Variants in RASL10B observed in about 807,000 individuals in gnomAD.
RASL10B encodes the protein ras-like protein family member 10B.
RASL10B carries 10 observed loss-of-function variants against 20.7 expected under a neutral mutation model. The observed-to-expected ratio is 0.48, with a 90% CI of 0.30 to 0.82. The LOEUF is 0.82. RASL10B is among the 40% of genes least tolerant of loss of function. The pLI is 0.07. For missense variants in RASL10B, 231 were observed against 295.4 expected (o/e 0.78, Z 1.60); for synonymous variants, 110 against 123.3 (o/e 0.89, Z 0.72).
intron 1 of RASL10B, among the ~76,000 whole-genome samples, chr17:35,732,296 A>G (rs1298764128): frequency 6.6e-6 from 1 of 152,146 alleles, no homozygotes; most frequent in Non-Finnish European, 1.5e-5. Context: ...GACGCAGGGA[A>G]GGGGACGGAA....
intron 2 of RASL10B, among the ~76,000 whole-genome samples, chr17:35,739,205 C>T (rs2143020176): frequency 6.6e-6 from 1 of 152,302 alleles, no homozygotes; most frequent in East Asian, 1.9e-4. Context: ...AAAGTCGTTT[C>T]CTTTTGATCC....
intron 1 of RASL10B, among the ~76,000 whole-genome samples, chr17:35,733,161 A>G (rs2085569684): frequency 1.3e-5 from 2 of 152,184 alleles, no homozygotes; most frequent in Non-Finnish European, 2.9e-5. Flanking sequence ...AATCTCTCTC[A>G]CGCACACTGC....
At chr17:35,738,581 T>C (rs1598389846) in intron 2 of RASL10B, among the ~76,000 whole-genome samples, 1 of 152,166 alleles carries the variant, frequency 6.6e-6, no homozygotes, top group East Asian at 1.9e-4. Context: ...TGCAGGTGGC[T>C]GAGCCTTGTC....
rs2085586572 is a variant in RASL10B at position 35,735,558 on chromosome 17, C to G, written c.216+158C>G. ...TTGGGCCACTCTGCTTAGAGCCGTT[C>G]CAGGAATCCATTCATTGGTGTGCTA... On this transcript the variant is annotated intron_variant, in intron 2 of 3. Transcript: ENST00000603017. This position sits in a 1 kb window ranked among gnomAD's most constrained non-coding sequence, Gnocchi z 6.7. 6.6e-6 allele frequency among the ~76,000 whole-genome samples: 1 copy of G among 152,190 alleles called. No homozygotes were observed. Among genetic ancestry groups the G allele is most frequent in the Non-Finnish European group, 1.5e-5 (1 of 68,032 alleles).
chr17:35,735,307 T>C lies in RASL10B; in HGVS notation c.123T>C (p.Leu41=). The change falls in exon 2 of 4, where the codon CTT becomes CTC. Residue 41 remains leucine (L), a synonymous_variant. Transcript: ENST00000603017. The surrounding 1 kb of genome is among the most constrained non-coding windows in gnomAD (Gnocchi z 6.7). Reference sequence around the variant, plus strand: ...GCGTCCCCACCACCGCCCGCCGCCTTTACCTGCCTGCTGTCGTCATGAACG... The same window carrying C: ...GCGTCCCCACCACCGCCCGCCGCCTCTACCTGCCTGCTGTCGTCATGAACG... ...EVCVPTTARR[L]YLPAVVMNGH... The C allele has an allele frequency of 6.2e-7, 1 of 1,614,116 alleles. No homozygotes were observed. The highest frequency in any genetic ancestry group is 1.1e-5 in the South Asian group (1 of 91,082).
rs1259731503 is a variant in RASL10B at position 35,742,266 on chromosome 17, AG to A, written c.*966del. 8 of 152,424 alleles carry A rather than the reference AG, an allele frequency of 5.2e-5. No individual in the cohort carries two copies. The highest frequency in any genetic ancestry group is 1.9e-4 in the African/African-American group (8 of 41,412). 9.4% of individuals were successfully genotyped at this position (152,424 alleles called of 1,614,324 possible). ...GGTCGTGGGCAGGATGGTGCCCAGA[AG>A]GGGGTTAGGTTGTCCCAGTGAAAAT... On this transcript the variant is annotated 3_prime_UTR_variant, in exon 4 of 4. Transcript: ENST00000603017.
rs782102328 is a variant in RASL10B, at chr17:35,741,442, C to T, written c.*137C>T. The T allele has an allele frequency of 7.9e-7, 1 of 1,258,346 alleles. No homozygotes were observed. Among genetic ancestry groups the T allele is most frequent in the Non-Finnish European group, 1.0e-6 (1 of 971,980 alleles). 77.9% of individuals were successfully genotyped at this position (1,258,346 alleles called of 1,614,324 possible). A position where few individuals can be genotyped will look rare whatever the true frequency, so the allele number is the denominator to read the frequency against. ...GAGGCCCCTGCAGCCACGCACCTCCCGGTGAGAAGCAGAGCGCGAGAGGGA... is the reference window on the plus strand; with the variant it reads ...GAGGCCCCTGCAGCCACGCACCTCCTGGTGAGAAGCAGAGCGCGAGAGGGA... On this transcript the variant is annotated 3_prime_UTR_variant, in exon 4 of 4. Transcript: ENST00000603017.
intron 1 of RASL10B, among the ~76,000 whole-genome samples, chr17:35,732,300 G>T (rs1420312469): frequency 6.6e-6 from 1 of 152,202 alleles, no homozygotes; most frequent in Non-Finnish European, 1.5e-5. Context: ...CAGGGAAGGG[G>T]ACGGAACCAG....
At position 35,741,498 on chromosome 17, in the gene RASL10B, GC is replaced by G. The variant is rs2085629318; in HGVS notation, c.*198del. On this transcript the variant is annotated 3_prime_UTR_variant, in exon 4 of 4. Coordinates refer to ENST00000603017, the MANE Select transcript of RASL10B (RefSeq NM_033315.4). ...CCGTAACTGCCCAGCCCTGCCCCTTGCCCCCGTGGCTTCCTGGGACAGCCGC... is the reference window on the plus strand; with the variant it reads ...CCGTAACTGCCCAGCCCTGCCCCTTGCCCCGTGGCTTCCTGGGACAGCCGC... 2 of 851,064 alleles carry G rather than the reference GC, an allele frequency of 2.3e-6. No individual in the cohort carries two copies. Among genetic ancestry groups the G allele is most frequent in the Admixed American group, 4.2e-5 (1 of 23,732 alleles). The allele number at this position is 851,064 out of a possible 1,614,324, so 52.7% of individuals were successfully genotyped here.
chr17:35,740,068 T>G (rs1257465847), intron 2 of RASL10B, among the ~76,000 whole-genome samples: 3 of 152,200 alleles, frequency 2.0e-5, no homozygotes, highest in Non-Finnish European at 4.4e-5. Flanking sequence ...AGCTCAGAGC[T>G]GGACTCTTAG....
chr17:35,740,667 C>G, intron 3 of RASL10B, 134 bp downstream of exon 3: 1 of 1,097,350 alleles, frequency 9.1e-7, no homozygotes, highest in Non-Finnish European at 1.3e-6. Context: ...TACACTCAAA[C>G]ATGCATACAT....
At position 35,735,337 on chromosome 17, in the gene RASL10B, C is replaced by T. The variant is rs782649431; in HGVS notation, c.153C>T (p.His51=). The change falls in exon 2 of 4, where the codon CAC becomes CAT. Residue 51 remains histidine, a synonymous_variant. Transcript: ENST00000603017. The surrounding 1 kb of genome is among the most constrained non-coding windows in gnomAD (Gnocchi z 6.7). ...TGCCTGCTGTCGTCATGAACGGCCACGTGCACGACCTCCAGATCCTCGACT... is the reference window on the plus strand; with the variant it reads ...TGCCTGCTGTCGTCATGAACGGCCATGTGCACGACCTCCAGATCCTCGACT... ...LYLPAVVMNG[H]VHDLQILDFP... 2.9e-5 allele frequency: 47 copies of T among 1,614,070 alleles called. No homozygotes were observed. Among genetic ancestry groups the T allele is most frequent in the Non-Finnish European group, 3.9e-5 (46 of 1,180,056 alleles).
chr17:35,740,655 C>T, intron 3 of RASL10B, 122 bp downstream of exon 3: 1 of 1,192,108 alleles, frequency 8.4e-7, no homozygotes. Context: ...GATTTCCACA[C>T]ATACACTCAA....
chr17:35,740,268 T>G, intron 2 of RASL10B, 141 bp from the exon 3 acceptor site: 1 of 1,050,966 alleles, frequency 9.5e-7, no homozygotes, highest in Admixed American at 2.5e-5. Flanking sequence ...TCCCTGGGCC[T>G]GGTCTCCTGG....
At chr17:35,740,896 A>AT (rs1320179423) in intron 3 of RASL10B, 139 bp from the exon 4 acceptor site, 12 of 692,934 alleles carry the variant, frequency 1.7e-5, no homozygotes, top group Admixed American at 1.2e-4. Context: ...ATCAGAGAAT[A>AT]TAACACCTCC....
At chr17:35,740,726 G>A (rs1306878808) in intron 3 of RASL10B, among the ~76,000 whole-genome samples, 193 bp downstream of exon 3, 1 of 152,214 alleles carries the variant, frequency 6.6e-6, no homozygotes, top group Non-Finnish European at 1.5e-5. Context: ...TGGCTGTGGG[G>A]GTGGCTAGAG....
rs73990295 is a variant in RASL10B, at chr17:35,743,233, C to A, written c.*1928C>A. The A allele has an allele frequency of 1.4e-4, 21 of 152,942 alleles. No homozygotes were observed. The highest frequency in any genetic ancestry group is 4.6e-4 in the African/African-American group (19 of 41,470). 9.5% of individuals were successfully genotyped at this position (152,942 alleles called of 1,614,324 possible). ...ATGAAGGATGGCAGCATCTCACATG[C>A]CCCATCACCAACTCTGAGGCACCTG... On this transcript the variant is annotated 3_prime_UTR_variant, in exon 4 of 4. Coordinates refer to ENST00000603017, the MANE Select transcript of RASL10B (RefSeq NM_033315.4).
At position 35,741,320 on chromosome 17, in the gene RASL10B, T is replaced by A; in HGVS notation, c.*15T>A. On this transcript the variant is annotated 3_prime_UTR_variant, in exon 4 of 4. Transcript: ENST00000603017. ...CCATCATGTGACGCCTGCGCGCCCC[T>A]CGGGCTGCACCGGCACTGGCCGAGC... The A allele has an allele frequency of 6.9e-7, 1 of 1,454,470 alleles. No individual in the cohort carries two copies. 90.1% of individuals were successfully genotyped at this position (1,454,470 alleles called of 1,614,324 possible).
rs990587386 is a variant in RASL10B at position 35,735,609 on chromosome 17, C to T, written c.216+209C>T. On this transcript the variant is annotated intron_variant, in intron 2 of 3. Coordinates refer to ENST00000603017, the MANE Select transcript of RASL10B (RefSeq NM_033315.4). This position sits in a 1 kb window ranked among gnomAD's most constrained non-coding sequence, Gnocchi z 6.7. Reference sequence around the variant, plus strand: ...GTTTATTCAACAAATATTTGGTGACCGTTCAATGTGTGCCAGGCCCTGCAG... The same window carrying T: ...GTTTATTCAACAAATATTTGGTGACTGTTCAATGTGTGCCAGGCCCTGCAG... Among the ~76,000 whole-genome samples, 3 of 152,200 alleles carry T rather than the reference C, an allele frequency of 2.0e-5. No individual in the cohort carries two copies. Among genetic ancestry groups the T allele is most frequent in the African/African-American group, 4.8e-5 (2 of 41,448 alleles).
Sources: gnomAD v4.1 joint callset for allele counts (sites outside exome capture counted in the v4.1 genomes callset) on GRCh38, gnomAD v4.1.1 for gene constraint, Gnocchi (gnomAD v3.1) non-coding constraint, MANE v1.5 for transcripts, NCBI Gene and HGNC (gene_info 2026-07-23, HGNC 2026-07-21) for gene names.